PLCL1: variants seen among roughly 807,000 people sequenced by gnomAD.
The protein encoded by PLCL1 is inactive phospholipase C-like protein 1.
PLCL1 carries 41 observed loss-of-function variants against 84.4 expected under a neutral mutation model. That is an observed-to-expected ratio of 0.49 (90% CI 0.38 to 0.63). PLCL1 has a LOEUF of 0.63. PLCL1 is among the 30% of genes least tolerant of loss of function. PLCL1 has a pLI of 0.00. For missense variants in PLCL1, 1,206 were observed against 1,367.8 expected (o/e 0.88, Z 1.87); for synonymous variants, 490 against 488.3 (o/e 1.00, Z -0.05).
chr2:198,136,296 C>CA (rs1694254822), intron 5 of PLCL1, among the ~76,000 whole-genome samples: 4 of 152,006 alleles, frequency 2.6e-5, no homozygotes, highest in African/African-American at 4.8e-5. Flanking sequence ...CTTAATCTCA[C>CA]AAAAAATCTA....
intron 1 of PLCL1, among the ~76,000 whole-genome samples, chr2:197,936,142 CA>C (rs1225144143): frequency 2.1e-5 from 3 of 141,138 alleles, no homozygotes; most frequent in Non-Finnish European, 4.6e-5. Flanking sequence ...CCCCCCCCCT[CA>C]CATTTTCTTT....
intron 1 of PLCL1, among the ~76,000 whole-genome samples, chr2:198,070,318 G>A (rs1692432315): frequency 6.6e-6 from 1 of 152,010 alleles, no homozygotes; most frequent in Non-Finnish European, 1.5e-5. Flanking sequence ...GAATTCTCAA[G>A]TTTAACCTTC....
chr2:197,874,149 A>G (rs567173887), intron 1 of PLCL1, among the ~76,000 whole-genome samples: 30 of 152,250 alleles, frequency 2.0e-4, no homozygotes, highest in African/African-American at 6.7e-4. Flanking sequence ...TCAAATCTCA[A>G]TGGCGTGTAG....
chr2:198,010,205 G>A (rs549711144), intron 1 of PLCL1, among the ~76,000 whole-genome samples: 2 of 151,928 alleles, frequency 1.3e-5, no homozygotes, highest in Non-Finnish European at 2.9e-5. Flanking sequence ...GCAATGTATC[G>A]AATAGTCGTG....
intron 1 of PLCL1, among the ~76,000 whole-genome samples, chr2:197,808,713 T>A (rs1690528924): frequency 6.6e-6 from 1 of 152,230 alleles, no homozygotes. Flanking sequence ...ATAATTGTAA[T>A]GTTTTGGAAA....
chr2:198,084,275 T>C lies in PLCL1; in HGVS notation c.758T>C (p.Val253Ala). ...WLKTVFEAAD[V>A]DGNGIMLEDT... ...AAAACAGTGTTTGAAGCAGCAGATG[T>C]TGATGGGAATGGGATTATGTTGGAA... The change falls in exon 2 of 6, where the codon GTT becomes GCT. Residue 253 changes from valine to alanine, a missense_variant. By Grantham distance (64) the Val-to-Ala change is moderately conservative. Coordinates refer to ENST00000428675, the MANE Select transcript of PLCL1 (RefSeq NM_006226.4). 1 of 1,614,070 alleles carries C rather than the reference T, an allele frequency of 6.2e-7. No homozygotes were observed.
chr2:197,984,006 T>C (rs1690170493), intron 1 of PLCL1, among the ~76,000 whole-genome samples: 1 of 152,222 alleles, frequency 6.6e-6, no homozygotes, highest in Admixed American at 6.5e-5. Flanking sequence ...AAGGGAAGCA[T>C]AACTGAAATA....
chr2:197,863,212 A>C (rs1687466401), intron 1 of PLCL1, among the ~76,000 whole-genome samples: 1 of 151,798 alleles, frequency 6.6e-6, no homozygotes. Flanking sequence ...TTATTTAGCA[A>C]TAATAATGTT....
At chr2:197,924,044 G>A (rs1287029912) in intron 1 of PLCL1, among the ~76,000 whole-genome samples, 4 of 150,428 alleles carry the variant, frequency 2.7e-5, no homozygotes, top group Non-Finnish European at 5.9e-5. Flanking sequence ...GCACTCGGCA[G>A]GCTGAGGCAG....
chr2:198,147,168 A>G lies in PLCL1; in HGVS notation c.*206A>G. 1 of 442,728 alleles carries G rather than the reference A, an allele frequency of 2.3e-6. No individual in the cohort carries two copies. Among genetic ancestry groups the G allele is most frequent in the East Asian group, 3.8e-5 (1 of 26,246 alleles). 27.4% of individuals were successfully genotyped at this position (442,728 alleles called of 1,614,324 possible). ...GTATCAGTGTTTTAAATTCTGAGAC[A>G]TGTGTCAACACCCCTGTGTGGATGC... On this transcript the variant is annotated 3_prime_UTR_variant, in exon 6 of 6. Transcript: ENST00000428675.
At chr2:197,815,326 T>G (rs1412277348) in intron 1 of PLCL1, among the ~76,000 whole-genome samples, 1 of 152,174 alleles carries the variant, frequency 6.6e-6, no homozygotes, top group Non-Finnish European at 1.5e-5. Context: ...AGCACATATG[T>G]TTATAGCATG....
At chr2:197,935,752 C>T (rs1394454986) in intron 1 of PLCL1, among the ~76,000 whole-genome samples, 1 of 152,124 alleles carries the variant, frequency 6.6e-6, no homozygotes, top group East Asian at 1.9e-4. Flanking sequence ...ATGTGTACCC[C>T]TTGAACGTAA....
intron 1 of PLCL1, among the ~76,000 whole-genome samples, chr2:198,040,372 T>C (rs1691630553): frequency 6.6e-6 from 1 of 152,198 alleles, no homozygotes; most frequent in Non-Finnish European, 1.5e-5. Context: ...AGGACTATCA[T>C]GACTGTCATG....
chr2:197,906,931 T>C (rs953949370), intron 1 of PLCL1, among the ~76,000 whole-genome samples: 2 of 152,228 alleles, frequency 1.3e-5, no homozygotes, highest in Admixed American at 1.3e-4. Context: ...GAGACTTTGC[T>C]GAAGTTGCTT....
chr2:198,086,122 G>T lies in PLCL1; in HGVS notation c.2605G>T (p.Val869Phe), dbSNP rs1224507318. 6.2e-7 allele frequency: 1 copy of T among 1,613,902 alleles called. No individual in the cohort carries two copies. Among genetic ancestry groups the T allele is most frequent in the South Asian group, 1.1e-5 (1 of 91,072 alleles). The change falls in exon 2 of 6, where the codon GTT (valine) becomes TTT (phenylalanine). Residue 869 changes from valine (V) to phenylalanine (F), a missense_variant. Transcript: ENST00000428675. ...RSLSVRMGKK[V>F]REYTMLRNIG... ...TCTTTCAGTGAGAATGGGGAAGAAAGTTCGGGAATATACCATGCTCAGGAA... is the reference window on the plus strand; with the variant it reads ...TCTTTCAGTGAGAATGGGGAAGAAATTTCGGGAATATACCATGCTCAGGAA...
intron 1 of PLCL1, among the ~76,000 whole-genome samples, chr2:197,990,927 A>G (rs558643041): frequency 6.6e-6 from 1 of 152,316 alleles, no homozygotes; most frequent in South Asian, 2.1e-4. Flanking sequence ...GAATATGGAT[A>G]ATTAAATTAA....
At position 198,000,908 on chromosome 2, in the gene PLCL1, T is replaced by A. The variant is rs978442725; in HGVS notation, c.241-82850T>A. Reference sequence around the variant, plus strand: ...TAGTTGATTTATGAATATATGTGTATGTATCCTGTTAACGAGTCATCATGA... The same window carrying A: ...TAGTTGATTTATGAATATATGTGTAAGTATCCTGTTAACGAGTCATCATGA... On this transcript the variant is annotated intron_variant, in intron 1 of 5. Transcript: ENST00000428675. Among the ~76,000 whole-genome samples, 4 of 152,330 alleles carry A rather than the reference T, an allele frequency of 2.6e-5. No individual in the cohort carries two copies. In the East Asian group the frequency reaches 7.7e-4, roughly 29 times the overall value.
intron 1 of PLCL1, among the ~76,000 whole-genome samples, chr2:198,068,383 GC>G: frequency 6.6e-6 from 1 of 152,274 alleles, no homozygotes; most frequent in South Asian, 2.1e-4. Flanking sequence ...AATCTTTGCT[GC>G]CCATGATCCT....
At chr2:198,023,492 T>C (rs1457648853) in intron 1 of PLCL1, among the ~76,000 whole-genome samples, 3 of 152,126 alleles carry the variant, frequency 2.0e-5, no homozygotes, top group Non-Finnish European at 4.4e-5. Flanking sequence ...ATTTTTGCAA[T>C]CTATCCATCT....
Sources: allele counts gnomAD v4.1 joint callset (sites outside exome capture counted in the v4.1 genomes callset), GRCh38; gene constraint gnomAD v4.1.1; transcripts MANE v1.5; gene names NCBI Gene and HGNC (gene_info 2026-07-23, HGNC 2026-07-21).